Variants in SGCZ observed in about 807,000 individuals in gnomAD.
SGCZ encodes sarcoglycan zeta, also known as zeta-sarcoglycan.
SGCZ carries 40 observed loss-of-function variants against 41.3 expected under a neutral mutation model. That is an observed-to-expected ratio of 0.97 (90% confidence interval 0.75 to 1.26). The LOEUF is 1.26. Among genes scored for constraint, SGCZ ranks in the 50% most tolerant of loss-of-function variants. The pLI, the probability that SGCZ is intolerant of heterozygous loss-of-function variation, is 0.00. For missense variants in SGCZ, 552 were observed against 369.8 expected (o/e 1.49, Z -4.04); for synonymous variants, 206 against 137.5 (o/e 1.50, Z -3.49).
At chr8:15,223,342 A>G (rs1801666223) in intron 1 of SGCZ, among the ~76,000 whole-genome samples, 1 of 152,212 alleles carries the variant, frequency 6.6e-6, no homozygotes, top group South Asian at 2.1e-4. Flanking sequence ...ATTTTGGTAT[A>G]TATCACTTCA....
Position 14,794,587 on chromosome 8 carries a change from T to C in SGCZ, c.40-239661A>G, listed in dbSNP as rs906066555. The stretch of plus-strand genomic sequence containing the variant: ...CAGCTCAGGAAGTGCAACATTCATA[T>C]AAAAGTATTTCCATTAAGAAAGAAG... On this transcript the variant is annotated intron_variant, in intron 1 of 7. Coordinates refer to ENST00000382080, the MANE Select transcript of SGCZ (RefSeq NM_139167.4). Among the ~76,000 whole-genome samples the C allele has an allele frequency of 1.6e-4, 24 of 152,156 alleles. 1 individual carries two copies. Among genetic ancestry groups the C allele is most frequent in the Admixed American group, 5.2e-4 (8 of 15,270 alleles).
chr8:14,969,373 G>A (rs370791617), intron 1 of SGCZ, among the ~76,000 whole-genome samples: 5 of 152,150 alleles, frequency 3.3e-5, no homozygotes, highest in East Asian at 3.9e-4. Context: ...TTATTGACTT[G>A]TAATTGATAT....
intron 2 of SGCZ, among the ~76,000 whole-genome samples, chr8:14,339,164 C>A (rs902169689): frequency 1.3e-5 from 2 of 152,104 alleles, no homozygotes; most frequent in African/African-American, 4.8e-5. Context: ...ACTTCTACTG[C>A]AAACTTTCTT....
chr8:14,173,638 A>C (rs1337717088), intron 4 of SGCZ, among the ~76,000 whole-genome samples: 1 of 152,152 alleles, frequency 6.6e-6, no homozygotes, highest in East Asian at 1.9e-4. Flanking sequence ...AAACAAGTAA[A>C]AGAGGCTTAA....
chr8:15,130,560 G>T (rs1807859831), intron 1 of SGCZ, among the ~76,000 whole-genome samples: 1 of 152,256 alleles, frequency 6.6e-6, no homozygotes, highest in East Asian at 1.9e-4. Flanking sequence ...ATCCCAGCAG[G>T]CTGGCATTCC....
chr8:14,893,636 G>A (rs1191197135), intron 1 of SGCZ, among the ~76,000 whole-genome samples: 2 of 152,136 alleles, frequency 1.3e-5, no homozygotes, highest in Non-Finnish European at 2.9e-5. Flanking sequence ...AAATAATGCT[G>A]TCATTTATCA....
chr8:14,925,429 T>A (rs1363352265), intron 1 of SGCZ, among the ~76,000 whole-genome samples: 1 of 152,206 alleles, frequency 6.6e-6, no homozygotes, highest in Non-Finnish European at 1.5e-5. Context: ...GTCCTTTATA[T>A]TTATGTACTA....
At chr8:14,178,307 A>G (rs1394562943) in intron 4 of SGCZ, among the ~76,000 whole-genome samples, 2 of 152,054 alleles carry the variant, frequency 1.3e-5, no homozygotes, top group African/African-American at 4.8e-5. Flanking sequence ...TAAATATTGA[A>G]ACCATTTGAA....
At chr8:14,749,813 C>T (rs542575981) in intron 1 of SGCZ, among the ~76,000 whole-genome samples, 22 of 151,968 alleles carry the variant, frequency 1.4e-4, no homozygotes, top group East Asian at 1.4e-3. Flanking sequence ...CACTGGAAGA[C>T]GGAATTTTTA....
At chr8:14,763,720 A>C (rs1799956100) in intron 1 of SGCZ, among the ~76,000 whole-genome samples, 1 of 152,330 alleles carries the variant, frequency 6.6e-6, no homozygotes, top group South Asian at 2.1e-4. Context: ...TCTATCTACA[A>C]TAAGTAACAG....
intron 1 of SGCZ, among the ~76,000 whole-genome samples, chr8:14,927,330 C>T (rs1032108103): frequency 1.3e-5 from 2 of 150,372 alleles, no homozygotes; most frequent in Non-Finnish European, 3.0e-5. Context: ...AGGATGGTGT[C>T]GATTTCCTGT....
At chr8:14,679,482 A>G (rs1808374307) in intron 1 of SGCZ, among the ~76,000 whole-genome samples, 1 of 151,350 alleles carries the variant, frequency 6.6e-6, no homozygotes, top group African/African-American at 2.4e-5. Flanking sequence ...TTTTTATCAA[A>G]AAAGTAATAT....
intron 5 of SGCZ, among the ~76,000 whole-genome samples, chr8:14,156,352 T>C (rs1216368786): frequency 6.6e-6 from 1 of 152,002 alleles, no homozygotes; most frequent in Non-Finnish European, 1.5e-5. Context: ...TCCCAGCTAC[T>C]CAGGAGGCTG....
chr8:14,315,642 G>A (rs1801689889), intron 3 of SGCZ, among the ~76,000 whole-genome samples: 1 of 151,804 alleles, frequency 6.6e-6, no homozygotes, highest in Non-Finnish European at 1.5e-5. Flanking sequence ...CATGAGATGT[G>A]GCCTAAACAC....
chr8:14,106,276 AT>A (rs1326059768), intron 6 of SGCZ, among the ~76,000 whole-genome samples: 1 of 152,164 alleles, frequency 6.6e-6, no homozygotes, highest in Non-Finnish European at 1.5e-5. Flanking sequence ...TACAATAAAT[AT>A]TTTCACAAAA....
At chr8:14,393,282 A>G (rs1804847486) in intron 2 of SGCZ, among the ~76,000 whole-genome samples, 1 of 152,150 alleles carries the variant, frequency 6.6e-6, no homozygotes, top group Non-Finnish European at 1.5e-5. Context: ...TCTAACAAAA[A>G]GCAGCCTGTG....
chr8:14,174,193 A>G (rs1254591826), intron 4 of SGCZ, among the ~76,000 whole-genome samples: 1 of 152,148 alleles, frequency 6.6e-6, no homozygotes, highest in Non-Finnish European at 1.5e-5. Context: ...AAAAAGAACA[A>G]AATTGAAACA....
At chr8:15,101,471 T>C (rs1806611180) in intron 1 of SGCZ, among the ~76,000 whole-genome samples, 1 of 151,928 alleles carries the variant, frequency 6.6e-6, no homozygotes, top group Non-Finnish European at 1.5e-5. Flanking sequence ...AGATGGCAAA[T>C]AAGCATAGGA....
intron 1 of SGCZ, among the ~76,000 whole-genome samples, chr8:14,681,541 C>T (rs368668575): frequency 6.6e-6 from 1 of 152,154 alleles, no homozygotes; most frequent in Non-Finnish European, 1.5e-5. Context: ...GATCATGTTG[C>T]TCGGACTTCG....
Sources: gnomAD v4.1 joint callset for allele counts (sites outside exome capture counted in the v4.1 genomes callset) on GRCh38, gnomAD v4.1.1 for gene constraint, MANE v1.5 for transcripts, NCBI Gene and HGNC (gene_info 2026-07-23, HGNC 2026-07-21) for gene names.